The following PDE11A variants were observed in gnomAD, a reference collection of about 807,000 sequenced individuals.
The protein encoded by PDE11A is phosphodiesterase 11A, also known as dual 3',5'-cyclic-AMP and -GMP phosphodiesterase 11A.
A neutral mutation model predicts 100.5 loss-of-function variants in PDE11A; 100 were observed. The ratio of observed to expected loss-of-function variants is 1.00; its 90% CI spans 0.85 to 1.18. The LOEUF (loss-of-function observed/expected upper bound fraction) is 1.18. PDE11A is among the 50% of genes most tolerant of loss of function. The pLI, the probability that PDE11A is intolerant of heterozygous loss-of-function variation, is 0.00. For synonymous variants in PDE11A, 381 were observed against 420.8 expected, an observed-to-expected ratio of 0.91 and a Z score of 1.16; for missense variants, 1,141 against 1,152.6, an observed-to-expected ratio of 0.99 and a Z score of 0.15.
intron 9 of PDE11A, among the ~76,000 whole-genome samples, chr2:177,787,958 T>C (rs2082564504): frequency 6.6e-6 from 1 of 151,986 alleles, no homozygotes; most frequent in African/African-American, 2.4e-5. Context: ...AACACCCCAC[T>C]GTCAACATTA....
rs539691368 is a variant in PDE11A, at chr2:177,981,934, G to C, written c.1071+32368C>G. ...GCGCTTAGCTGAATCCGGAAAGGCA[G>C]GATATTGACTCCTTTGCCATTCTAT... On this transcript the variant is annotated intron_variant, in intron 2 of 19. Transcript: ENST00000286063. Among the ~76,000 whole-genome samples, 282 of 151,040 alleles carry C rather than the reference G, an allele frequency of 1.9e-3. 13 individuals carry two copies. The highest frequency in any genetic ancestry group is 3.1e-3 in the Non-Finnish European group (207 of 67,322).
At chr2:178,049,735 A>C (rs1210112054) in intron 1 of PDE11A, among the ~76,000 whole-genome samples, 2 of 152,194 alleles carry the variant, frequency 1.3e-5, no homozygotes, top group East Asian at 3.9e-4. Context: ...TCCCACACCC[A>C]CGGAGTCTTG....
chr2:177,991,357 C>T (rs1451178242), intron 2 of PDE11A, among the ~76,000 whole-genome samples: 4 of 135,282 alleles, frequency 3.0e-5, no homozygotes, highest in South Asian at 5.0e-4. Flanking sequence ...TATATTGGGC[C>T]GGGCATGGTG....
intron 2 of PDE11A, among the ~76,000 whole-genome samples, chr2:177,980,975 TACACACACACACACACACACACACAC>T (rs3073403): frequency 2.3e-5 from 3 of 129,688 alleles, no homozygotes; most frequent in African/African-American, 8.1e-5. Flanking sequence ...GAGAACTAGA[TACACACACACACACACACACACACAC>T]ACACACACAC....
chr2:177,624,308 C>T lies in PDE11A; in HGVS notation c.*5099G>A, dbSNP rs954081405. The T allele has an allele frequency of 2.1e-5, 3 of 140,336 alleles. No homozygotes were observed. Among genetic ancestry groups the T allele is most frequent in the Non-Finnish European group, 4.6e-5 (3 of 64,702 alleles). The allele number at this position is 140,336 out of a possible 1,614,324, so 8.7% of individuals were successfully genotyped here. A position where few individuals can be genotyped will look rare whatever the true frequency, so the allele number is the denominator to read the frequency against. On this transcript the variant is annotated 3_prime_UTR_variant, in exon 20 of 20. Transcript: ENST00000286063. ...CATTTTTCTTTATATTTAAATCTTT[C>T]CCTAGTATGTCTAGGTTTCTGTCCC...
chr2:177,672,642 A>G (rs1422840416), intron 17 of PDE11A, among the ~76,000 whole-genome samples: 1 of 152,236 alleles, frequency 6.6e-6, no homozygotes, highest in African/African-American at 2.4e-5. Flanking sequence ...AGATGAGATT[A>G]GAAAACAAAA....
At chr2:177,922,887 ACCTC>A in intron 2 of PDE11A, 2 of 911,444 alleles carry the variant, frequency 2.2e-6, no homozygotes, top group Non-Finnish European at 2.6e-6. Flanking sequence ...TAAGTTGTAT[ACCTC>A]TGTCTTTGTT....
At chr2:177,838,842 CT>C (rs1341287863) in intron 6 of PDE11A, among the ~76,000 whole-genome samples, 3 of 152,180 alleles carry the variant, frequency 2.0e-5, no homozygotes, top group Non-Finnish European at 4.4e-5. Flanking sequence ...AACTGAAGAA[CT>C]TTGAACTGTG....
chr2:177,930,811 C>T (rs2085195408), intron 2 of PDE11A, among the ~76,000 whole-genome samples: 2 of 152,108 alleles, frequency 1.3e-5, no homozygotes, highest in African/African-American at 4.8e-5. Flanking sequence ...ATTAACACAC[C>T]CTGAATCCCA....
intron 12 of PDE11A, among the ~76,000 whole-genome samples, chr2:177,719,133 A>G (rs899296617): frequency 1.3e-5 from 2 of 152,114 alleles, no homozygotes; most frequent in African/African-American, 2.4e-5. Context: ...TGCACCATGG[A>G]CTGCACACCC....
intron 19 of PDE11A, among the ~76,000 whole-genome samples, chr2:177,630,188 A>C (rs561748232): frequency 6.6e-6 from 1 of 152,182 alleles, no homozygotes; most frequent in East Asian, 1.9e-4. Flanking sequence ...GGATGAGGGA[A>C]GAGGAAATGT....
chr2:177,914,298 A>C (rs776937900), intron 2 of PDE11A, among the ~76,000 whole-genome samples: 3 of 152,166 alleles, frequency 2.0e-5, no homozygotes, highest in Non-Finnish European at 2.9e-5. Context: ...TTACTTGATA[A>C]TCAAACAGTA....
At chr2:177,755,519 G>A (rs1482183520) in intron 10 of PDE11A, among the ~76,000 whole-genome samples, 1 of 152,116 alleles carries the variant, frequency 6.6e-6, no homozygotes, top group Non-Finnish European at 1.5e-5. Flanking sequence ...CATCCACCAG[G>A]TACCTCTTTC....
At chr2:177,634,565 T>C (rs1306514849) in intron 19 of PDE11A, among the ~76,000 whole-genome samples, 2 of 152,022 alleles carry the variant, frequency 1.3e-5, no homozygotes, top group East Asian at 3.9e-4. Flanking sequence ...TTTTTTTGTA[T>C]TTTTAGTAGG....
intron 2 of PDE11A, chr2:177,997,966 T>C (rs1390029970): frequency 8.3e-6 from 10 of 1,205,618 alleles, no homozygotes; most frequent in Admixed American, 5.1e-5. Context: ...GATACCAAGG[T>C]TAGGGAGAAC....
At chr2:177,982,911 C>T (rs564803685) in intron 2 of PDE11A, among the ~76,000 whole-genome samples, 20 of 150,554 alleles carry the variant, frequency 1.3e-4, no homozygotes, top group African/African-American at 4.8e-4. Flanking sequence ...AAAACCCCAT[C>T]TCTACTAAAA....
chr2:177,979,106 G>A (rs1018799279), intron 2 of PDE11A, among the ~76,000 whole-genome samples: 1 of 146,730 alleles, frequency 6.8e-6, no homozygotes, highest in African/African-American at 2.5e-5. Context: ...AAAGAAAATG[G>A]CTTACATGAA....
chr2:178,033,261 A>C (rs2086571141), intron 1 of PDE11A, among the ~76,000 whole-genome samples: 1 of 152,218 alleles, frequency 6.6e-6, no homozygotes, highest in African/African-American at 2.4e-5. Context: ...ATACACAAGT[A>C]TCAACAACCA....
chr2:177,930,750 A>G (rs1047535270), intron 2 of PDE11A, among the ~76,000 whole-genome samples: 2 of 152,174 alleles, frequency 1.3e-5, no homozygotes, highest in Middle Eastern at 3.2e-3. Flanking sequence ...TGACTAACAC[A>G]AGGCCCAGGG....
Sources: gnomAD v4.1 joint callset for allele counts (sites outside exome capture counted in the v4.1 genomes callset) on GRCh38, gnomAD v4.1.1 for gene constraint, MANE v1.5 for transcripts, NCBI Gene and HGNC (gene_info 2026-07-23, HGNC 2026-07-21) for gene names.